The following LMX1A variants were observed in gnomAD, a reference collection of about 807,000 sequenced individuals.
LMX1A encodes LIM homeobox transcription factor 1-alpha.
LMX1A carries 15 observed loss-of-function variants against 49.1 expected under a neutral mutation model. That is an observed-to-expected ratio of 0.31 (90% CI 0.20 to 0.47). The LOEUF (loss-of-function observed/expected upper bound fraction) is 0.47, where lower values mean the gene tolerates loss of function less well. Among genes scored for constraint, LMX1A ranks in the 20% least tolerant of loss-of-function variants. LMX1A has a pLI of 1.00. For synonymous variants in LMX1A, 167 were observed against 185.7 expected (o/e 0.90, Z 0.82); for missense variants, 372 against 475.8 (o/e 0.78, Z 2.03).
rs372619405 is a variant in LMX1A, at chr1:165,346,722, A to G, written c.263+6354T>C. The stretch of plus-strand genomic sequence containing the variant: ...GCATTCCAGTTGCATCTGCTGTCTA[A>G]TGCCAAAAGAAACTTAATCCCTATC... On this transcript the variant is annotated intron_variant, in intron 3 of 8. Transcript: ENST00000342310. 1.3e-3 allele frequency among the ~76,000 whole-genome samples: 201 copies of G among 152,306 alleles called. 9 individuals carry two copies. In the South Asian group the frequency reaches 0.041, roughly 31 times the overall value.
rs981689376 is a variant in LMX1A at position 165,225,546 on chromosome 1, A to C, written c.497-11733T>G. On this transcript the variant is annotated intron_variant, in intron 4 of 8. Coordinates refer to ENST00000342310, the MANE Select transcript of LMX1A (RefSeq NM_177398.4). ...ACTCTTCAATACTGTCATTACTTGTAAAAGACAGAGTTTATTGTTGAAATA... is the reference window on the plus strand; with the variant it reads ...ACTCTTCAATACTGTCATTACTTGTCAAAGACAGAGTTTATTGTTGAAATA... Among the ~76,000 whole-genome samples, 5 of 152,234 alleles carry C rather than the reference A, an allele frequency of 3.3e-5. No homozygotes were observed. The South Asian group carries it at 8.3e-4, about 25-fold the overall frequency.
At chr1:165,281,605 G>A (rs1654149645) in intron 3 of LMX1A, among the ~76,000 whole-genome samples, 1 of 152,194 alleles carries the variant, frequency 6.6e-6, no homozygotes. Context: ...CAGGCAGAGA[G>A]GAAAGCAGGC....
intron 3 of LMX1A, among the ~76,000 whole-genome samples, chr1:165,314,676 T>C (rs1655170781): frequency 6.6e-6 from 1 of 152,100 alleles, no homozygotes; most frequent in Non-Finnish European, 1.5e-5. Context: ...TCTCAGGGCT[T>C]GAACGAAGAG....
At chr1:165,230,170 G>A (rs557975379) in intron 4 of LMX1A, among the ~76,000 whole-genome samples, 40 of 152,272 alleles carry the variant, frequency 2.6e-4, no homozygotes, top group African/African-American at 3.9e-4. Context: ...AACTTCCAGC[G>A]ACAAGAATTC....
At position 165,243,543 on chromosome 1, in the gene LMX1A, T is replaced by C. The variant is rs57301740; in HGVS notation, c.496+5865A>G. On this transcript the variant is annotated intron_variant, in intron 4 of 8. Transcript: ENST00000342310. ...ATTTTCATAGATAGAAAACAGAAAG[T>C]CTGTAATGAGGGCTAGTTAGAATAA... Among the ~76,000 whole-genome samples, 808 of 152,260 alleles carry C rather than the reference T, an allele frequency of 5.3e-3. 12 individuals are homozygous for C. The highest frequency in any genetic ancestry group is 0.019 in the African/African-American group (777 of 41,540).
At chr1:165,262,145 A>G (rs768013941) in intron 3 of LMX1A, among the ~76,000 whole-genome samples, 20 of 152,178 alleles carry the variant, frequency 1.3e-4, no homozygotes, top group Non-Finnish European at 2.5e-4. Context: ...TTATGTTCCC[A>G]AGTGAAACTC....
At chr1:165,316,634 G>T (rs1655237130) in intron 3 of LMX1A, among the ~76,000 whole-genome samples, 1 of 152,192 alleles carries the variant, frequency 6.6e-6, no homozygotes, top group African/African-American at 2.4e-5. Flanking sequence ...GAGGTGGCTG[G>T]AGCCATAGGA....
In LMX1A at chr1:165,355,368, G is replaced by T. The variant is rs182899220; in HGVS notation, c.76+116C>A. 84 of 919,486 alleles carry T rather than the reference G, an allele frequency of 9.1e-5. 1 individual carries two copies. The East Asian group carries it at 1.8e-3, about 20-fold the overall frequency. The allele number at this position is 919,486 out of a possible 1,614,324, so 57.0% of individuals were successfully genotyped here. On this transcript the variant is annotated intron_variant, in intron 2 of 8. Coordinates refer to ENST00000342310, the MANE Select transcript of LMX1A (RefSeq NM_177398.4). This position sits in a 1 kb window ranked among gnomAD's most constrained non-coding sequence, Gnocchi z 4.7. ...AGATAGTGATGGGGCTCAATTTAGTGTATGAAGAGGGGCGCTAGCTTCCCT... is the reference window on the plus strand; with the variant it reads ...AGATAGTGATGGGGCTCAATTTAGTTTATGAAGAGGGGCGCTAGCTTCCCT...
At chr1:165,211,675 T>A (rs904623980) in intron 5 of LMX1A, among the ~76,000 whole-genome samples, 1 of 152,046 alleles carries the variant, frequency 6.6e-6, no homozygotes, top group African/African-American at 2.4e-5. Context: ...TTAGAACAGG[T>A]TTTTATAGCA....
At chr1:165,317,324 T>G (rs1027587419) in intron 3 of LMX1A, among the ~76,000 whole-genome samples, 3 of 152,248 alleles carry the variant, frequency 2.0e-5, no homozygotes, top group African/African-American at 7.2e-5. Context: ...AATACCTGAA[T>G]ATTTTTACAG....
chr1:165,329,428 T>A (rs1571226093), intron 3 of LMX1A, among the ~76,000 whole-genome samples: 1 of 32,512 alleles, frequency 3.1e-5, no homozygotes, highest in Admixed American at 4.1e-4. Context: ...AGACAGGGCC[T>A]CTCTGTTCCC....
intron 3 of LMX1A, among the ~76,000 whole-genome samples, chr1:165,323,924 G>A (rs973777505): frequency 2.0e-5 from 3 of 152,156 alleles, no homozygotes; most frequent in East Asian, 1.9e-4. Context: ...TTTACTGAAT[G>A]GATAAAAGGT....
chr1:165,259,082 A>G (rs1392779224), intron 3 of LMX1A, among the ~76,000 whole-genome samples: 1 of 152,252 alleles, frequency 6.6e-6, no homozygotes, highest in Non-Finnish European at 1.5e-5. Flanking sequence ...GTAAATATTT[A>G]TATAAGATAA....
chr1:165,262,579 G>T (rs531978104), intron 3 of LMX1A, among the ~76,000 whole-genome samples: 1 of 152,214 alleles, frequency 6.6e-6, no homozygotes, highest in South Asian at 2.1e-4. Flanking sequence ...TTGCCAAAGG[G>T]ATACCCCTTC....
At chr1:165,302,993 G>A (rs1654820948) in intron 3 of LMX1A, among the ~76,000 whole-genome samples, 1 of 152,174 alleles carries the variant, frequency 6.6e-6, no homozygotes, top group African/African-American at 2.4e-5. Flanking sequence ...TTACTTTGCT[G>A]TTATTCTTCT....
chr1:165,215,205 G>T (rs1651598846), intron 4 of LMX1A, among the ~76,000 whole-genome samples: 1 of 152,092 alleles, frequency 6.6e-6, no homozygotes, highest in Admixed American at 6.5e-5. Flanking sequence ...CAGCTACTCG[G>T]GAAGCTGATC....
intron 3 of LMX1A, among the ~76,000 whole-genome samples, chr1:165,293,052 G>C (rs1654521521): frequency 6.6e-6 from 1 of 151,934 alleles, no homozygotes; most frequent in African/African-American, 2.4e-5. Context: ...GGGAGGTGGA[G>C]GTTGCAGTGA....
rs114129331 is a variant in LMX1A, at chr1:165,218,061, T to C, written c.497-4248A>G. ...CAGAAACAACCACAGACAATATGAA[T>C]GGGCATGGCTGTGTTCCAATAAAAT... is the stretch of plus-strand genomic sequence containing the variant. On this transcript the variant is annotated intron_variant, in intron 4 of 8. Coordinates refer to ENST00000342310, the MANE Select transcript of LMX1A (RefSeq NM_177398.4). 6.1e-3 allele frequency among the ~76,000 whole-genome samples: 932 copies of C among 152,298 alleles called. 9 individuals carry two copies. The highest frequency in any genetic ancestry group is 0.021 in the African/African-American group (879 of 41,550).
intron 6 of LMX1A, among the ~76,000 whole-genome samples, chr1:165,209,790 A>G (rs1248019405): frequency 6.6e-6 from 1 of 152,236 alleles, no homozygotes; most frequent in Non-Finnish European, 1.5e-5. Flanking sequence ...AATTAATCAA[A>G]TCCAAGGGGT....
Sources: gnomAD v4.1 joint callset for allele counts (sites outside exome capture counted in the v4.1 genomes callset) on GRCh38, gnomAD v4.1.1 for gene constraint, Gnocchi (gnomAD v3.1) non-coding constraint, MANE v1.5 for transcripts, NCBI Gene and HGNC (gene_info 2026-07-23, HGNC 2026-07-21) for gene names.